Variants in SLC22A7 observed in about 807,000 individuals in gnomAD.
SLC22A7 encodes the protein solute carrier family 22 member 7.
A neutral mutation model predicts 62.2 loss-of-function variants in SLC22A7; 48 were observed. The ratio of observed to expected loss-of-function variants is 0.77; its 90% confidence interval spans 0.61 to 0.98. The LOEUF (loss-of-function observed/expected upper bound fraction) is 0.98, where lower values mean the gene tolerates loss of function less well. Ranked by LOEUF, SLC22A7 falls within the 50% of genes least tolerant of loss-of-function variation. The pLI, the probability that SLC22A7 is intolerant of heterozygous loss-of-function variation, is 0.00. For synonymous variants in SLC22A7, 276 were observed against 314.8 expected (o/e 0.88, Z 1.30); for missense variants, 581 against 703.8 (o/e 0.83, Z 1.97).
At chr6:43,298,096 G>A, upstream of SLC22A7, 2 of 460,480 alleles carry the variant, frequency 4.3e-6, no homozygotes, top group South Asian at 8.4e-5. Flanking sequence ...TAATGGGTAA[G>A]CCCCAGAGCC....
intron 6 of SLC22A7, 106 bp downstream of exon 6, chr6:43,301,364 C>G: frequency 6.6e-7 from 1 of 1,511,280 alleles, no homozygotes; most frequent in Non-Finnish European, 9.0e-7. Context: ...GGAAAAGCCC[C>G]TGGGCCCCCA....
At position 43,298,879 on chromosome 6, in the gene SLC22A7, G is replaced by A. The variant is rs70953676; in HGVS notation, c.393+128G>A. The A allele has an allele frequency of 3.8e-5, 52 of 1,375,018 alleles. No individual in the cohort carries two copies. The African/African-American group carries it at 6.3e-4, about 17-fold the overall frequency. The allele number at this position is 1,375,018 out of a possible 1,614,324, so 85.2% of individuals were successfully genotyped here. On this transcript the variant is annotated intron_variant, in intron 1 of 10. Transcript: ENST00000372585. The stretch of plus-strand genomic sequence containing the variant: ...GTCTCAGTTTACCAATCTGTAGATG[G>A]GGGCTATGAATATAAGGCACTTTTA...
At position 43,304,247 on chromosome 6, in the gene SLC22A7, G is replaced by A. The variant is rs1392899240; in HGVS notation, c.1592+3G>A. ...ATCCAGGACGTGGAGAGAAAGAGGTGTGTGCACAGGACTGTGTCTGTGTAC... is the reference window on the plus strand; with the variant it reads ...ATCCAGGACGTGGAGAGAAAGAGGTATGTGCACAGGACTGTGTCTGTGTAC... On this transcript the variant is annotated splice_donor_region_variant and intron_variant, in intron 10 of 10. Coordinates refer to ENST00000372585, the MANE Select transcript of SLC22A7 (RefSeq NM_153320.2). The A allele has an allele frequency of 1.9e-6, 3 of 1,542,326 alleles. No individual in the cohort carries two copies. In the Admixed American group the frequency reaches 5.5e-5, roughly 28 times the overall value.
rs1778783087 is a variant in SLC22A7 at position 43,302,344 on chromosome 6, CCGCCTCA to C, written c.1210_1216del (p.Leu404LysfsTer17). ...ACTTGTCGGTGCGCTACGCAGGACG[CCGCCTCA>C]CGCAAGCCGGGACACTGCTGGGCAC... On this transcript the variant is annotated frameshift_variant, in exon 8 of 11. Transcript: ENST00000372585. LOFTEE classifies it high-confidence loss of function. This position sits in a 1 kb window ranked among gnomAD's most constrained non-coding sequence, Gnocchi z 5.0. 1 of 1,613,156 alleles carries C rather than the reference CCGCCTCA, an allele frequency of 6.2e-7. No homozygotes were observed. Among genetic ancestry groups the C allele is most frequent in the Non-Finnish European group, 8.5e-7 (1 of 1,179,942 alleles).
In SLC22A7 at chr6:43,304,122, G is replaced by C. The variant is rs1460378835; in HGVS notation, c.1470G>C (p.Trp490Cys). Reference sequence around the variant, plus strand: ...TGGCGGCCTTGCTGGATGGAGTGTGGCTGTCACTGCCCAAGCTTACTTATG... The same window carrying C: ...TGGCGGCCTTGCTGGATGGAGTGTGCCTGTCACTGCCCAAGCTTACTTATG... ...APLAALLDGV[W>C]LSLPKLTYGG... The change falls in exon 10 of 11, where the codon TGG becomes TGC. Residue 490 changes from tryptophan (W) to cysteine (C), a missense_variant. Transcript: ENST00000372585. 9 of 1,607,910 alleles carry C rather than the reference G, an allele frequency of 5.6e-6. No individual in the cohort carries two copies. The highest frequency in any genetic ancestry group is 7.7e-6 in the Non-Finnish European group (9 of 1,176,428).
rs2150738946 is a variant in SLC22A7 at position 43,305,391 on chromosome 6, A to G, written c.*666A>G. The stretch of plus-strand genomic sequence containing the variant: ...CCCTGCTACCTCCGAGGCACCCTGC[A>G]GGGCAATGCATGTCATCCCAACCCC... On this transcript the variant is annotated 3_prime_UTR_variant, in exon 11 of 11. Transcript: ENST00000372585. 7.5e-6 allele frequency: 2 copies of G among 267,148 alleles called. No homozygotes were observed. Among genetic ancestry groups the G allele is most frequent in the South Asian group, 8.0e-5 (2 of 24,880 alleles). 16.5% of individuals were successfully genotyped at this position (267,148 alleles called of 1,614,324 possible).
intron 6 of SLC22A7, 59 bp from the exon 7 acceptor site, chr6:43,301,524 G>T (rs752417868): frequency 7.5e-7 from 1 of 1,337,236 alleles, no homozygotes; most frequent in South Asian, 1.2e-5. Context: ...AGAGTACTGT[G>T]TCCCATTGAG....
At chr6:43,300,776 G>A (rs1212725244) in intron 5 of SLC22A7, among the ~76,000 whole-genome samples, 1 of 152,146 alleles carries the variant, frequency 6.6e-6, no homozygotes, top group African/African-American at 2.4e-5. Context: ...GACTACAGGC[G>A]TGTGCCACCA....
Position 43,302,889 on chromosome 6 carries a change from T to C in SLC22A7, c.1385+126T>C. On this transcript the variant is annotated intron_variant, in intron 9 of 10. Coordinates refer to ENST00000372585, the MANE Select transcript of SLC22A7 (RefSeq NM_153320.2). This position sits in a 1 kb window ranked among gnomAD's most constrained non-coding sequence, Gnocchi z 5.0. Reference sequence around the variant, plus strand: ...TTTTTTTTTTAATTTTAATTTTTGGTAGAGACGGGGTCTTGCTATATTACC... The same window carrying C: ...TTTTTTTTTTAATTTTAATTTTTGGCAGAGACGGGGTCTTGCTATATTACC... The C allele has an allele frequency of 1.4e-6, 1 of 716,320 alleles. No individual in the cohort carries two copies. Among genetic ancestry groups the C allele is most frequent in the Non-Finnish European group, 2.3e-6 (1 of 435,892 alleles). The allele number at this position is 716,320 out of a possible 1,614,324, so 44.4% of individuals were successfully genotyped here. A position where few individuals can be genotyped will look rare whatever the true frequency, so the allele number is the denominator to read the frequency against.
Position 43,304,923 on chromosome 6 carries a change from CT to C in SLC22A7, c.*199del. ...AGTTGACTTCCCAGAATGCAGTGGGCTGCTGGGCACCCCTCTCACGGTTGGG... is the reference window on the plus strand; with the variant it reads ...AGTTGACTTCCCAGAATGCAGTGGGCGCTGGGCACCCCTCTCACGGTTGGG... On this transcript the variant is annotated 3_prime_UTR_variant, in exon 11 of 11. Coordinates refer to ENST00000372585, the MANE Select transcript of SLC22A7 (RefSeq NM_153320.2). The C allele has an allele frequency of 2.2e-6, 1 of 452,716 alleles. No individual in the cohort carries two copies. The highest frequency in any genetic ancestry group is 3.9e-6 in the Non-Finnish European group (1 of 256,144). 28.0% of individuals were successfully genotyped at this position (452,716 alleles called of 1,614,324 possible).
In SLC22A7 at chr6:43,299,587, T is replaced by C; in HGVS notation, c.504-40T>C. 1 of 1,613,838 alleles carries C rather than the reference T, an allele frequency of 6.2e-7. No homozygotes were observed. The highest frequency in any genetic ancestry group is 1.1e-5 in the South Asian group (1 of 91,076). On this transcript the variant is annotated intron_variant, in intron 3 of 10. Coordinates refer to ENST00000372585, the MANE Select transcript of SLC22A7 (RefSeq NM_153320.2). The surrounding 1 kb of genome is among the most constrained non-coding windows in gnomAD (Gnocchi z 4.4). ...CCTAGTCTACCTATGCCTTAGAACCTCCTTCCACAGGGAACTGACCCTGCA... is the reference window on the plus strand; with the variant it reads ...CCTAGTCTACCTATGCCTTAGAACCCCCTTCCACAGGGAACTGACCCTGCA...
rs1481915277 is a variant in SLC22A7 at position 43,299,591 on chromosome 6, T to C, written c.504-36T>C. On this transcript the variant is annotated intron_variant, in intron 3 of 10. Transcript: ENST00000372585. The surrounding 1 kb of genome is among the most constrained non-coding windows in gnomAD (Gnocchi z 4.4). The stretch of plus-strand genomic sequence containing the variant: ...GTCTACCTATGCCTTAGAACCTCCT[T>C]CCACAGGGAACTGACCCTGCATGAC... 3 of 1,613,772 alleles carry C rather than the reference T, an allele frequency of 1.9e-6. No homozygotes were observed. The highest frequency in any genetic ancestry group is 1.3e-5 in the African/African-American group (1 of 74,888).
chr6:43,304,324 A>G, intron 10 of SLC22A7, 80 bp downstream of exon 10: 1 of 1,234,712 alleles, frequency 8.1e-7, no homozygotes, highest in Non-Finnish European at 1.1e-6. Context: ...ACACCTTAGG[A>G]TTCAGACAGG....
At chr6:43,304,439 T>C (rs1434873406) in intron 10 of SLC22A7, 195 bp downstream of exon 10, 1 of 600,038 alleles carries the variant, frequency 1.7e-6, no homozygotes, top group Non-Finnish European at 2.9e-6. Context: ...CATAAATGTG[T>C]ACATGAGTGT....
Position 43,299,722 on chromosome 6 carries a change from T to C in SLC22A7, c.599T>C (p.Ile200Thr). Residue 200 changes from isoleucine to threonine, a missense_variant, in exon 4 of 11, where the codon ATC (isoleucine) becomes ACC (threonine). By Grantham distance (89) the Ile-to-Thr change is moderately conservative. Transcript: ENST00000372585. This position sits in a 1 kb window ranked among gnomAD's most constrained non-coding sequence, Gnocchi z 4.4. ...AASVSYVMFA[I>T]TRTLTGSALA... is the part of the protein sequence containing the mutation. The stretch of plus-strand genomic sequence containing the variant: ...TCCGTCAGCTATGTAATGTTTGCCA[T>C]CACCCGCACCCTTACTGGCTCAGCC... The C allele has an allele frequency of 6.2e-7, 1 of 1,614,164 alleles. No homozygotes were observed. The highest frequency in any genetic ancestry group is 8.5e-7 in the Non-Finnish European group (1 of 1,180,024).
intron 10 of SLC22A7, 72 bp from the exon 11 acceptor site, chr6:43,304,599 C>A: frequency 7.1e-7 from 1 of 1,401,918 alleles, no homozygotes; most frequent in Non-Finnish European, 1.0e-6. Flanking sequence ...TGGGACAGCC[C>A]TGATGGGGCA....
rs1422968953 is a variant in SLC22A7, at chr6:43,299,216, A to C, written c.399+119A>C. 6.2e-7 allele frequency: 1 copy of C among 1,613,680 alleles called. No individual in the cohort carries two copies. Among genetic ancestry groups the C allele is most frequent in the Non-Finnish European group, 8.5e-7 (1 of 1,179,788 alleles). ...GAGGCTGCAGGACTGGGGAGGGACA[A>C]AGTTTCCTATTCCCCAAGCTGGCGT... On this transcript the variant is annotated intron_variant, in intron 2 of 10. Coordinates refer to ENST00000372585, the MANE Select transcript of SLC22A7 (RefSeq NM_153320.2). The surrounding 1 kb of genome is among the most constrained non-coding windows in gnomAD (Gnocchi z 4.4).
In SLC22A7 at chr6:43,300,214, A is replaced by G; in HGVS notation, c.827+148A>G. Reference sequence around the variant, plus strand: ...GAGACAGAAAGAGACACAGAGAAAAAGAGACAGAGAGACAGAGATCAACAG... The same window carrying G: ...GAGACAGAAAGAGACACAGAGAAAAGGAGACAGAGAGACAGAGATCAACAG... On this transcript the variant is annotated intron_variant, in intron 5 of 10. Coordinates refer to ENST00000372585, the MANE Select transcript of SLC22A7 (RefSeq NM_153320.2). The G allele has an allele frequency of 5.5e-6, 4 of 730,192 alleles. 1 individual carries two copies. In the South Asian group the frequency reaches 7.6e-5, roughly 14 times the overall value. 45.2% of individuals were successfully genotyped at this position (730,192 alleles called of 1,614,324 possible).
At position 43,304,227 on chromosome 6, in the gene SLC22A7, G is replaced by C; in HGVS notation, c.1575G>C (p.Gln525His). ...AGGCACAGCTGCCAGAGACCATCCA[G>C]GACGTGGAGAGAAAGAGGTGTGTGC... ...TRQAQLPETI[Q>H]DVERKSAPTS... The change falls in exon 10 of 11, where the codon CAG becomes CAC. Residue 525 changes from glutamine to histidine, a missense_variant. Transcript: ENST00000372585. 1 of 1,568,236 alleles carries C rather than the reference G, an allele frequency of 6.4e-7. No individual in the cohort carries two copies. Among genetic ancestry groups the C allele is most frequent in the Non-Finnish European group, 8.7e-7 (1 of 1,155,116 alleles).
Sources: allele counts gnomAD v4.1 joint callset (sites outside exome capture counted in the v4.1 genomes callset), GRCh38; gene constraint gnomAD v4.1.1; non-coding constraint Gnocchi (gnomAD v3.1); transcripts MANE v1.5; gene names NCBI Gene and HGNC (gene_info 2026-07-23, HGNC 2026-07-21).